EBF3: variants seen among roughly 807,000 people sequenced by gnomAD.
EBF3 encodes the protein transcription factor COE3.
Under a neutral mutation model 77.1 loss-of-function variants are expected in EBF3, and 18 were observed. That is an observed-to-expected ratio of 0.23 (90% CI 0.16 to 0.35). The LOEUF is 0.35. Among genes scored for constraint, EBF3 ranks in the 10% least tolerant of loss-of-function variants. The pLI, the probability that EBF3 is intolerant of heterozygous loss-of-function variation, is 1.00. For missense variants in EBF3, 558 were observed against 860.0 expected (o/e 0.65, Z 4.39); for synonymous variants, 350 against 343.5 (o/e 1.02, Z -0.21).
intron 4 of EBF3, among the ~76,000 whole-genome samples, chr10:129,961,655 G>A (rs369717199): frequency 2.0e-5 from 3 of 152,070 alleles, no homozygotes; most frequent in South Asian, 4.1e-4. Context: ...AGGTGAAGAT[G>A]GACTAGAGGA....
chr10:129,933,742 G>T (rs1003588771), intron 6 of EBF3, among the ~76,000 whole-genome samples: 5 of 152,182 alleles, frequency 3.3e-5, no homozygotes, highest in African/African-American at 1.2e-4. Flanking sequence ...GTGATCTACA[G>T]CAGGGTCAGA....
intron 6 of EBF3, among the ~76,000 whole-genome samples, chr10:129,903,767 A>G (rs1352782972): frequency 1.3e-5 from 2 of 152,180 alleles, no homozygotes. Context: ...TGGGGAGTCC[A>G]TGACCCCAGG....
intron 6 of EBF3, among the ~76,000 whole-genome samples, chr10:129,902,112 CG>C (rs769235616): frequency 4.6e-5 from 7 of 152,040 alleles, no homozygotes; most frequent in Non-Finnish European, 7.4e-5. Flanking sequence ...GGGAAGTTTT[CG>C]GGGAATTAGA....
intron 7 of EBF3, among the ~76,000 whole-genome samples, chr10:129,875,187 C>CTTCTTTTTTT (rs1852672323): frequency 2.6e-4 from 24 of 92,928 alleles, no homozygotes; most frequent in African/African-American, 9.0e-4. Flanking sequence ...ATGGCTTCTT[C>CTTCTTTTTTT]TTTTTTTTTT....
At chr10:129,857,005 G>A (rs550293613) in intron 10 of EBF3, among the ~76,000 whole-genome samples, 2 of 152,210 alleles carry the variant, frequency 1.3e-5, no homozygotes, top group Non-Finnish European at 2.9e-5. Context: ...CCGCACAGGT[G>A]TGAACAAGAC....
chr10:129,956,458 C>T (rs185431878), intron 6 of EBF3, among the ~76,000 whole-genome samples: 90 of 152,278 alleles, frequency 5.9e-4, no homozygotes, highest in African/African-American at 2.0e-3. Flanking sequence ...CTCTCCTGCA[C>T]GGCACCGAAA....
In EBF3 at chr10:129,897,096, C is replaced by G. The variant is rs561845772; in HGVS notation, c.555-19247G>C. On this transcript the variant is annotated intron_variant, in intron 6 of 16. Transcript: ENST00000440978. This position sits in a 1 kb window ranked among gnomAD's most constrained non-coding sequence, Gnocchi z 4.6. ...CAACCTGAGCAGAGATGGGCCTAGA[C>G]GGGCAGTTGGAGCTGGGAGACAGGA... Among the ~76,000 whole-genome samples the G allele has an allele frequency of 1.3e-5, 2 of 152,210 alleles. No homozygotes were observed. Among genetic ancestry groups the G allele is most frequent in the African/African-American group, 4.8e-5 (2 of 41,452 alleles).
rs931479797 is a variant in EBF3 at position 129,944,500 on chromosome 10, A to G, written c.554+12758T>C. On this transcript the variant is annotated intron_variant, in intron 6 of 16. Transcript: ENST00000440978. This position sits in a 1 kb window ranked among gnomAD's most constrained non-coding sequence, Gnocchi z 5.1. ...ACCTGGAACATAAGTCAGATGAATT[A>G]ATATAGGCGGTGTAGGACCTCTCTT... Among the ~76,000 whole-genome samples the G allele has an allele frequency of 3.9e-5, 6 of 152,226 alleles. No individual in the cohort carries two copies. The highest frequency in any genetic ancestry group is 8.8e-5 in the Non-Finnish European group (6 of 68,040).
Position 129,885,829 on chromosome 10 carries a change from CA to C in EBF3, c.555-7981del, listed in dbSNP as rs1853535797. ...CACCCCCCTGACTTGTTGCCAGCTC[CA>C]GGGGAGGCTTTTACAGGTTATGCAG... On this transcript the variant is annotated intron_variant, in intron 6 of 16. Coordinates refer to ENST00000440978, the MANE Select transcript of EBF3 (RefSeq NM_001375380.1). This position sits in a 1 kb window ranked among gnomAD's most constrained non-coding sequence, Gnocchi z 4.0. 6.6e-6 allele frequency among the ~76,000 whole-genome samples: 1 copy of C among 152,154 alleles called. No homozygotes were observed.
At chr10:129,865,162 C>T (rs904355680) in intron 10 of EBF3, among the ~76,000 whole-genome samples, 1 of 152,188 alleles carries the variant, frequency 6.6e-6, no homozygotes, top group Admixed American at 6.5e-5. Context: ...CACCGTGTGG[C>T]TTCAGCACAC....
rs773996008 is a variant in EBF3, at chr10:129,835,875, T to C, written c.*2068A>G. ...AAAAAAAAAAAACACCTGACACTTT[T>C]GGTCTCACTGTGGGTTTGGCACTAA... is the stretch of plus-strand genomic sequence containing the variant. On this transcript the variant is annotated 3_prime_UTR_variant, in exon 17 of 17. Coordinates refer to ENST00000440978, the MANE Select transcript of EBF3 (RefSeq NM_001375380.1). 2.6e-5 allele frequency: 4 copies of C among 152,450 alleles called. No individual in the cohort carries two copies. The highest frequency in any genetic ancestry group is 4.8e-5 in the African/African-American group (2 of 41,398). 9.4% of individuals were successfully genotyped at this position (152,450 alleles called of 1,614,324 possible). A position where few individuals can be genotyped will look rare whatever the true frequency, so the allele number is the denominator to read the frequency against.
At position 129,963,133 on chromosome 10, in the gene EBF3, G is replaced by A; in HGVS notation, c.292-128C>T. Reference sequence around the variant, plus strand: ...CAGGATTCCTAGCTCGAAGCAGCGCGGTGATGTCACTTTCCTGCTGGAAGC... The same window carrying A: ...CAGGATTCCTAGCTCGAAGCAGCGCAGTGATGTCACTTTCCTGCTGGAAGC... On this transcript the variant is annotated intron_variant, in intron 2 of 16. Transcript: ENST00000440978. The surrounding 1 kb of genome is among the most constrained non-coding windows in gnomAD (Gnocchi z 7.1). The A allele has an allele frequency of 7.7e-7, 1 of 1,295,712 alleles. No homozygotes were observed. The highest frequency in any genetic ancestry group is 1.1e-6 in the Non-Finnish European group (1 of 903,982). 80.3% of individuals were successfully genotyped at this position (1,295,712 alleles called of 1,614,324 possible).
At chr10:129,942,679 C>T (rs890498410) in intron 6 of EBF3, among the ~76,000 whole-genome samples, 2 of 152,244 alleles carry the variant, frequency 1.3e-5, no homozygotes, top group African/African-American at 2.4e-5. Flanking sequence ...GCCACGATCA[C>T]ATTTATTTCT....
In EBF3 at chr10:129,841,041, A is replaced by AT. The variant is rs374828986; in HGVS notation, c.1373-10dup. On this transcript the variant is annotated splice_polypyrimidine_tract_variant and intron_variant, in intron 13 of 16. Transcript: ENST00000440978. This position sits in a 1 kb window ranked among gnomAD's most constrained non-coding sequence, Gnocchi z 4.6. ...ATTGCGACTGTAGCCGACTGTTGAA[A>AT]TCCCCCCCCCGGCCAAAAATAACAT... is the stretch of plus-strand genomic sequence containing the variant. 8.4e-6 allele frequency: 9 copies of AT among 1,076,684 alleles called. No individual in the cohort carries two copies. The highest frequency in any genetic ancestry group is 6.8e-5 in the African/African-American group (4 of 58,416). The allele number at this position is 1,076,684 out of a possible 1,614,324, so 66.7% of individuals were successfully genotyped here.
chr10:129,958,890 G>T lies in EBF3; in HGVS notation c.485+44C>A, dbSNP rs760442753. Reference sequence around the variant, plus strand: ...GGCGTCCTTTGTAGACGCAGCTGGCGCCGAGGCAGCCCGCGCCCCCGCCGC... The same window carrying T: ...GGCGTCCTTTGTAGACGCAGCTGGCTCCGAGGCAGCCCGCGCCCCCGCCGC... On this transcript the variant is annotated intron_variant, in intron 5 of 16. Coordinates refer to ENST00000440978, the MANE Select transcript of EBF3 (RefSeq NM_001375380.1). The T allele has an allele frequency of 2.6e-5, 41 of 1,573,174 alleles. 1 individual carries two copies. Among genetic ancestry groups the T allele is most frequent in the Non-Finnish European group, 3.2e-5 (37 of 1,162,614 alleles).
chr10:129,921,164 A>G (rs1004924367), intron 6 of EBF3, among the ~76,000 whole-genome samples: 9 of 152,148 alleles, frequency 5.9e-5, no homozygotes, highest in African/African-American at 2.2e-4. Flanking sequence ...TGGAAAAAGA[A>G]ATCACTTTCG....
chr10:129,917,996 T>G (rs1856010565), intron 6 of EBF3, among the ~76,000 whole-genome samples: 1 of 152,238 alleles, frequency 6.6e-6, no homozygotes, highest in South Asian at 2.1e-4. Flanking sequence ...TGGTATTGAC[T>G]TCCTTCAACC....
At chr10:129,924,555 G>C (rs544777417) in intron 6 of EBF3, among the ~76,000 whole-genome samples, 1 of 152,006 alleles carries the variant, frequency 6.6e-6, no homozygotes, top group African/African-American at 2.4e-5. Context: ...GTGGAAAATA[G>C]TATGGCAGCT....
At position 129,943,221 on chromosome 10, in the gene EBF3, G is replaced by A. The variant is rs1306850627; in HGVS notation, c.554+14037C>T. Among the ~76,000 whole-genome samples, 1 of 152,174 alleles carries A rather than the reference G, an allele frequency of 6.6e-6. No individual in the cohort carries two copies. Among genetic ancestry groups the A allele is most frequent in the Non-Finnish European group, 1.5e-5 (1 of 68,038 alleles). ...CAGGCCTGACCCGGCCTTCCCAGTT[G>A]GAGGGGATTTCAGCGGCTCTCCACA... is the stretch of plus-strand genomic sequence containing the variant. On this transcript the variant is annotated intron_variant, in intron 6 of 16. Transcript: ENST00000440978. This position sits in a 1 kb window ranked among gnomAD's most constrained non-coding sequence, Gnocchi z 8.8.
Sources: gnomAD v4.1 joint callset for allele counts (sites outside exome capture counted in the v4.1 genomes callset) on GRCh38, gnomAD v4.1.1 for gene constraint, Gnocchi (gnomAD v3.1) non-coding constraint, MANE v1.5 for transcripts, NCBI Gene and HGNC (gene_info 2026-07-23, HGNC 2026-07-21) for gene names.